Variants in CDH11 observed in about 807,000 individuals in gnomAD.
CDH11 encodes the protein cadherin-11.
Under a neutral mutation model 67.8 loss-of-function variants are expected in CDH11, and 11 were observed. The observed-to-expected ratio is 0.16, with a 90% CI of 0.10 to 0.27. CDH11 has a LOEUF of 0.27. Among genes scored for constraint, CDH11 ranks in the 10% least tolerant of loss-of-function variants. The pLI is 1.00. For missense variants in CDH11, 847 were observed against 1,031.2 expected (o/e 0.82, Z 2.45); for synonymous variants, 419 against 400.0 (o/e 1.05, Z -0.57).
At chr16:65,079,999 G>A (rs1341962668) in intron 1 of CDH11, among the ~76,000 whole-genome samples, 4 of 152,062 alleles carry the variant, frequency 2.6e-5, no homozygotes, top group African/African-American at 9.7e-5. Flanking sequence ...TGCAGACTTA[G>A]TGTCAAAATT....
In CDH11 at chr16:65,004,804, G is replaced by A. The variant is rs1159106534; in HGVS notation, c.66C>T (p.Ala22=). 6.3e-7 allele frequency: 1 copy of A among 1,594,966 alleles called. No homozygotes were observed. Among genetic ancestry groups the A allele is most frequent in the Non-Finnish European group, 8.5e-7 (1 of 1,170,848 alleles). ...GGTGCCCCCGCCGCTCTGGGGCAAA[G>A]GCATGGCTGTGGCACAGCATGCCCA... ...VCLGMLCHSH[A]FAPERRGHLR... Residue 22 remains alanine (A), a synonymous_variant, in exon 3 of 13, where the codon GCC becomes GCT. Coordinates refer to ENST00000268603, the MANE Select transcript of CDH11 (RefSeq NM_001797.4).
At chr16:64,965,978 C>G (rs1278713776) in intron 11 of CDH11, among the ~76,000 whole-genome samples, 2 of 151,742 alleles carry the variant, frequency 1.3e-5, no homozygotes, top group African/African-American at 2.4e-5. Flanking sequence ...AGCTCAAACT[C>G]TAGGTCAACC....
At chr16:64,955,415 A>G (rs1314357546) in intron 11 of CDH11, among the ~76,000 whole-genome samples, 1 of 152,070 alleles carries the variant, frequency 6.6e-6, no homozygotes, top group African/African-American at 2.4e-5. Context: ...CCTGGGAGAC[A>G]GAATGAGACT....
intron 2 of CDH11, among the ~76,000 whole-genome samples, chr16:65,022,387 G>A (rs1172537624): frequency 1.3e-5 from 2 of 152,104 alleles, no homozygotes; most frequent in Non-Finnish European, 2.9e-5. Context: ...ACAAAACTGG[G>A]ACTTGTCCAT....
intron 1 of CDH11, among the ~76,000 whole-genome samples, chr16:65,113,143 C>T (rs970447433): frequency 1.3e-5 from 2 of 151,992 alleles, no homozygotes; most frequent in South Asian, 2.1e-4. Context: ...AAAATTAGCC[C>T]GGGGTGGTGG....
rs923823612 is a variant in CDH11, at chr16:64,971,566, C to A, written c.1642+13G>T. 4 of 1,513,412 alleles carry A rather than the reference C, an allele frequency of 2.6e-6. No individual in the cohort carries two copies. The African/African-American group carries it at 4.1e-5, about 16-fold the overall frequency. The allele number at this position is 1,513,412 out of a possible 1,614,324, so 93.7% of individuals were successfully genotyped here. Reference sequence around the variant, plus strand: ...TTCTACTTCTCTGAATGCGTAGGAACCTTAGTACAAACCTCGGTTGTCTCT... The same window carrying A: ...TTCTACTTCTCTGAATGCGTAGGAAACTTAGTACAAACCTCGGTTGTCTCT... On this transcript the variant is annotated intron_variant, in intron 11 of 12. Transcript: ENST00000268603.
In CDH11 at chr16:64,947,664, G is replaced by A. The variant is rs2071229292; in HGVS notation, c.2330C>T (p.Pro777Leu). 1 of 1,614,054 alleles carries A rather than the reference G, an allele frequency of 6.2e-7. No individual in the cohort carries two copies. The highest frequency in any genetic ancestry group is 1.1e-5 in the South Asian group (1 of 91,080). Residue 777 changes from proline to leucine, a missense_variant, in exon 13 of 13, where the codon CCT becomes CTT. Pro to Leu is a moderately conservative substitution (Grantham distance 98). This residue lies in a region of CDH11 where 612 missense variants were observed against 678.7 expected (regional missense o/e 0.90). Coordinates refer to ENST00000268603, the MANE Select transcript of CDH11 (RefSeq NM_001797.4). ...LDYDYLQNWG[P>L]RFKKLADLYG... ...CAAATCTGCTAGTTTCTTAAAACGA[G>A]GTCCCCAGTTCTGTAGATAATCATA...
intron 2 of CDH11, among the ~76,000 whole-genome samples, chr16:65,020,337 A>C (rs1281870684): frequency 2.0e-5 from 3 of 152,122 alleles, no homozygotes; most frequent in Admixed American, 1.3e-4. Context: ...TTTACCAGAA[A>C]CTTTTTTTAT....
intron 1 of CDH11, among the ~76,000 whole-genome samples, chr16:65,105,474 T>A (rs1164004942): frequency 6.6e-6 from 1 of 152,246 alleles, no homozygotes; most frequent in Non-Finnish European, 1.5e-5. Flanking sequence ...CTATCCAACC[T>A]GACACCTCTG....
chr16:64,969,328 G>A (rs1010231392), intron 11 of CDH11, among the ~76,000 whole-genome samples: 1 of 152,106 alleles, frequency 6.6e-6, no homozygotes, highest in African/African-American at 2.4e-5. Flanking sequence ...CTTAGTAAAG[G>A]TCCTGTTTGT....
Position 65,097,822 on chromosome 16 carries a change from A to C in CDH11, c.-298+24058T>G, listed in dbSNP as rs145054509. On this transcript the variant is annotated intron_variant, in intron 1 of 12. Coordinates refer to ENST00000268603, the MANE Select transcript of CDH11 (RefSeq NM_001797.4). ...AGTCCACTACTGGGGACTTTTGATC[A>C]GAAAAGTTAAGATAAAAAATTTTTA... Among the ~76,000 whole-genome samples the C allele has an allele frequency of 2.3e-3, 352 of 152,258 alleles. 1 individual carries two copies. Among genetic ancestry groups the C allele is most frequent in the African/African-American group, 7.8e-3 (324 of 41,560 alleles).
At chr16:64,968,753 A>G (rs982396784) in intron 11 of CDH11, among the ~76,000 whole-genome samples, 2 of 152,208 alleles carry the variant, frequency 1.3e-5, no homozygotes, top group Non-Finnish European at 2.9e-5. Context: ...GCTTTTACTC[A>G]GCATGATATA....
Position 65,074,048 on chromosome 16 carries a change from G to A in CDH11, c.-297-20120C>T, listed in dbSNP as rs369984513. Among the ~76,000 whole-genome samples, 6 of 152,312 alleles carry A rather than the reference G, an allele frequency of 3.9e-5. No homozygotes were observed. The South Asian group carries it at 6.2e-4, about 16-fold the overall frequency. On this transcript the variant is annotated intron_variant, in intron 1 of 12. Coordinates refer to ENST00000268603, the MANE Select transcript of CDH11 (RefSeq NM_001797.4). Reference sequence around the variant, plus strand: ...CTGTGGCTAAGTCCTTGGACCCAGAGGCGGGGAACATTTGTTGTTTTGTTT... The same window carrying A: ...CTGTGGCTAAGTCCTTGGACCCAGAAGCGGGGAACATTTGTTGTTTTGTTT...
Position 64,972,951 on chromosome 16 carries a change from C to T in CDH11, c.1343G>A (p.Arg448Lys), listed in dbSNP as rs751785513. Reference protein sequence around the residue: ...GFIKTTKPLDREETAWLNITV... With the variant: ...GFIKTTKPLDKEETAWLNITV... ...GATGTTGAGCCAGGCTGTTTCCTCT[C>T]TATCCAGAGGTTTTGTAGTTTTAAT... The change falls in exon 9 of 13, where the codon AGA (arginine) becomes AAA (lysine). Residue 448 changes from arginine to lysine, a missense_variant. By Grantham distance (26) the Arg-to-Lys change is conservative. Coordinates refer to ENST00000268603, the MANE Select transcript of CDH11 (RefSeq NM_001797.4). The T allele has an allele frequency of 6.2e-7, 1 of 1,613,780 alleles. No individual in the cohort carries two copies. The highest frequency in any genetic ancestry group is 2.2e-5 in the East Asian group (1 of 44,866).
chr16:65,050,800 A>G (rs1318170315), intron 2 of CDH11, among the ~76,000 whole-genome samples: 1 of 152,164 alleles, frequency 6.6e-6, no homozygotes, highest in Non-Finnish European at 1.5e-5. Context: ...CCAGGTTAAA[A>G]AAAAAAAAAC....
At chr16:64,992,365 T>G (rs2072650598) in intron 5 of CDH11, among the ~76,000 whole-genome samples, 1 of 152,228 alleles carries the variant, frequency 6.6e-6, no homozygotes, top group Non-Finnish European at 1.5e-5. Flanking sequence ...GCATATTTCA[T>G]GCAATACATT....
chr16:65,043,799 T>C (rs1290358171), intron 2 of CDH11, among the ~76,000 whole-genome samples: 2 of 152,130 alleles, frequency 1.3e-5, no homozygotes, highest in Non-Finnish European at 2.9e-5. Context: ...AGGTTTCTTG[T>C]CCTGTGGTTT....
In CDH11 at chr16:65,075,954, T is replaced by C. The variant is rs137958149; in HGVS notation, c.-297-22026A>G. ...CACCTGATTTATGGGCAGAGTCTAA[T>C]ACACAGTACCTATTCTTTTTGAAAA... is the stretch of plus-strand genomic sequence containing the variant. On this transcript the variant is annotated intron_variant, in intron 1 of 12. Coordinates refer to ENST00000268603, the MANE Select transcript of CDH11 (RefSeq NM_001797.4). 3.0e-4 allele frequency among the ~76,000 whole-genome samples: 45 copies of C among 152,342 alleles called. 1 individual carries two copies. The East Asian group carries it at 7.5e-3, about 26-fold the overall frequency.
chr16:65,070,562 C>T (rs1470388212), intron 1 of CDH11, among the ~76,000 whole-genome samples: 1 of 152,142 alleles, frequency 6.6e-6, no homozygotes, highest in Non-Finnish European at 1.5e-5. Context: ...AGGCACTTGG[C>T]ACCACCCCAC....
Sources: allele counts gnomAD v4.1 joint callset (sites outside exome capture counted in the v4.1 genomes callset), GRCh38; gene constraint gnomAD v4.1.1; regional missense constraint gnomAD v4.1.1; transcripts MANE v1.5; gene names NCBI Gene and HGNC (gene_info 2026-07-23, HGNC 2026-07-21).